Variants in TNS1 observed in about 807,000 individuals in gnomAD.
TNS1 encodes the protein tensin 1, also known as tensin-1.
Under a neutral mutation model 168.6 loss-of-function variants are expected in TNS1, and 62 were observed. The observed-to-expected ratio is 0.37, with a 90% CI of 0.30 to 0.45. The LOEUF is 0.45. TNS1 is among the 20% of genes least tolerant of loss of function. TNS1 has a pLI of 1.00. For missense variants in TNS1, 2,240 were observed against 2,339.4 expected (o/e 0.96, Z 0.88); for synonymous variants, 934 against 933.2 (o/e 1.00, Z -0.02).
intron 4 of TNS1, among the ~76,000 whole-genome samples, chr2:217,915,050 C>G (rs1267031605): frequency 6.6e-6 from 1 of 152,196 alleles, no homozygotes; most frequent in Non-Finnish European, 1.5e-5. Flanking sequence ...ATGCAATGCT[C>G]AGAGTTTGCC....
chr2:217,897,197 C>T (rs1236150118), intron 8 of TNS1, among the ~76,000 whole-genome samples: 3 of 152,188 alleles, frequency 2.0e-5, no homozygotes, highest in Admixed American at 6.5e-5. Context: ...GGGCCAAGGA[C>T]GGATCAGCCT....
intron 8 of TNS1, among the ~76,000 whole-genome samples, chr2:217,896,395 G>A (rs773592690): frequency 1.2e-4 from 19 of 152,188 alleles, no homozygotes; most frequent in Non-Finnish European, 2.6e-4. Context: ...CTGGATCTAG[G>A]GTGGACCCTA....
At chr2:217,914,249 C>T (rs918948) in intron 4 of TNS1, among the ~76,000 whole-genome samples, 84,984 of 151,574 alleles carry the variant, frequency 0.56, 23,986 homozygotes, top group East Asian at 0.63. Context: ...TCTCCCTCTC[C>T]CACTGAACAG....
At chr2:217,937,194 A>C in intron 3 of TNS1, 5 of 316,260 alleles carry the variant, frequency 1.6e-5, no homozygotes, top group Non-Finnish European at 2.4e-5. Flanking sequence ...CTACTCCCCT[A>C]CTCCCCCCAC....
chr2:217,906,089 C>T (rs576356809), intron 6 of TNS1, among the ~76,000 whole-genome samples: 176 of 152,332 alleles, frequency 1.2e-3, no homozygotes, highest in Non-Finnish European at 9.3e-4. Flanking sequence ...TCCTCCCACC[C>T]GCCCTGAGCA....
chr2:217,862,326 A>G (rs554125448), intron 18 of TNS1, among the ~76,000 whole-genome samples: 1 of 152,344 alleles, frequency 6.6e-6, no homozygotes, highest in South Asian at 2.1e-4. Flanking sequence ...AAATAGCAGG[A>G]GAAAAGTCTT....
intron 6 of TNS1, chr2:217,903,563 C>T: frequency 6.5e-7 from 1 of 1,527,370 alleles, no homozygotes; most frequent in South Asian, 1.2e-5. Flanking sequence ...ACTTTTCATC[C>T]AACTCTCTAA....
intron 24 of TNS1, among the ~76,000 whole-genome samples, chr2:217,816,782 G>C (rs75160595): frequency 0.014 from 2,068 of 152,292 alleles, 57 homozygotes; most frequent in African/African-American, 0.047. Flanking sequence ...AGGCAGTGCA[G>C]GGTCATTCTA....
chr2:217,821,771 A>T lies in TNS1; in HGVS notation c.3541T>A (p.Ser1181Thr). ...GGSFVSPSPL[S>T]TSSPILSADS... ...GCACTGAGGATGGGGCTGCTGGTGG[A>T]GAGGGGGCTGGGGGAGACAAAGGAG... Residue 1181 changes from serine (S) to threonine (T), a missense_variant, in exon 23 of 33, where the codon TCC becomes ACC. Transcript: ENST00000682258. 6.6e-7 allele frequency: 1 copy of T among 1,506,688 alleles called. No homozygotes were observed. The allele number at this position is 1,506,688 out of a possible 1,614,324, so 93.3% of individuals were successfully genotyped here. A position where few individuals can be genotyped will look rare whatever the true frequency, so the allele number is the denominator to read the frequency against.
chr2:217,813,681 T>C lies in TNS1; in HGVS notation c.4861+4A>G. The C allele has an allele frequency of 6.2e-7, 1 of 1,605,930 alleles. No individual in the cohort carries two copies. Among genetic ancestry groups the C allele is most frequent in the Non-Finnish European group, 8.5e-7 (1 of 1,175,888 alleles). ...CTGAGCCCCATTCTGGGAGATGAGG[T>C]TACCTTTTTTATTCTGCTGCATGAT... On this transcript the variant is annotated splice_donor_region_variant and intron_variant, in intron 26 of 32. Transcript: ENST00000682258. This position sits in a 1 kb window ranked among gnomAD's most constrained non-coding sequence, Gnocchi z 4.0.
chr2:217,985,346 A>G (rs182066849), intron 2 of TNS1: 10 of 152,184 alleles, frequency 6.6e-5, no homozygotes, highest in African/African-American at 2.4e-4. Context: ...ATATATATAT[A>G]ATCTCATTTA....
intron 12 of TNS1, among the ~76,000 whole-genome samples, chr2:217,889,262 G>A (rs770680301): frequency 2.6e-5 from 4 of 152,266 alleles, no homozygotes; most frequent in Admixed American, 2.6e-4. Flanking sequence ...GTTACCTGAG[G>A]ACTCACTCAC....
At chr2:218,005,925 C>T (rs761731751), upstream of TNS1, among the ~76,000 whole-genome samples, 1 of 152,198 alleles carries the variant, frequency 6.6e-6, no homozygotes, top group Non-Finnish European at 1.5e-5. Flanking sequence ...GCAGACTCTC[C>T]GCAGGCCTGG....
Position 217,995,307 on chromosome 2 carries a change from G to A in TNS1, c.34-4251C>T, listed in dbSNP as rs953255032. 1.3e-5 allele frequency among the ~76,000 whole-genome samples: 2 copies of A among 152,126 alleles called. No individual in the cohort carries two copies. Among genetic ancestry groups the A allele is most frequent in the Admixed American group, 6.5e-5 (1 of 15,274 alleles). ...CAGGATGCTAGAGGAGAAAGTCTACGGTCGGTGAGCCTCCTATCCTCAAAT... is the reference window on the plus strand; with the variant it reads ...CAGGATGCTAGAGGAGAAAGTCTACAGTCGGTGAGCCTCCTATCCTCAAAT... On this transcript the variant is annotated intron_variant, in intron 1 of 32. Transcript: ENST00000682258. This position sits in a 1 kb window ranked among gnomAD's most constrained non-coding sequence, Gnocchi z 4.1.
At position 217,804,573 on chromosome 2, in the gene TNS1, GC is replaced by G; in HGVS notation, c.5405del (p.Gly1802AlafsTer32). On this transcript the variant is annotated frameshift_variant, in exon 33 of 33. Transcript: ENST00000682258. LOFTEE classifies it high-confidence loss of function. Reference protein sequence around the residue: ...KLFGFVARKQGSTTDNACHLF... With the variant: ...KLFGFVARKQXSTTDNACHLF... The stretch of plus-strand genomic sequence containing the variant: ...GGTGGCAGGCGTTGTCCGTGGTGCT[GC>G]CCTGCTTCCGGGCCACGAAGCCGAA... 6.2e-7 allele frequency: 1 copy of G among 1,614,138 alleles called. No homozygotes were observed. Among genetic ancestry groups the G allele is most frequent in the Non-Finnish European group, 8.5e-7 (1 of 1,179,978 alleles).
chr2:217,992,247 C>A (rs1053277083), intron 1 of TNS1, among the ~76,000 whole-genome samples: 1 of 152,182 alleles, frequency 6.6e-6, no homozygotes, highest in Non-Finnish European at 1.5e-5. Flanking sequence ...CAGACACCAG[C>A]AGCTCCCTCT....
intron 7 of TNS1, among the ~76,000 whole-genome samples, chr2:217,899,567 A>C (rs1549590): frequency 1 from 151,744 of 152,310 alleles, 75,590 homozygotes; most frequent in East Asian, 1. Flanking sequence ...AACTCGCAAG[A>C]CAAGCTCCTG....
rs1028944117 is a variant in TNS1, at chr2:217,948,218, G to T, written c.187-27982C>A. ...GCTGACAAGATTCCCAGCAGGGAGG[G>T]GTCGGTTCCCCAACTCTTCCTGTGA... is the stretch of plus-strand genomic sequence containing the variant. On this transcript the variant is annotated intron_variant, in intron 3 of 32. Coordinates refer to ENST00000682258, the MANE Select transcript of TNS1 (RefSeq NM_001387777.1). This position sits in a 1 kb window ranked among gnomAD's most constrained non-coding sequence, Gnocchi z 4.1. 6.6e-6 allele frequency among the ~76,000 whole-genome samples: 1 copy of T among 152,190 alleles called. No individual in the cohort carries two copies. The highest frequency in any genetic ancestry group is 1.5e-5 in the Non-Finnish European group (1 of 68,030).
intron 3 of TNS1, among the ~76,000 whole-genome samples, chr2:217,956,338 G>A (rs891725538): frequency 6.6e-6 from 1 of 152,112 alleles, no homozygotes; most frequent in East Asian, 1.9e-4. Context: ...CAGGGTGAAG[G>A]GCTGAGACCT....
Sources: gnomAD v4.1 joint callset for allele counts (sites outside exome capture counted in the v4.1 genomes callset) on GRCh38, gnomAD v4.1.1 for gene constraint, Gnocchi (gnomAD v3.1) non-coding constraint, MANE v1.5 for transcripts, NCBI Gene and HGNC (gene_info 2026-07-23, HGNC 2026-07-21) for gene names.